GALNT15: variants seen among roughly 807,000 people sequenced by gnomAD.
GALNT15 encodes polypeptide N-acetylgalactosaminyltransferase 15.
In GALNT15, 67 loss-of-function variants were observed where a neutral mutation model predicts 66.8. That is an observed-to-expected ratio of 1.00 (90% CI 0.82 to 1.23). The LOEUF (loss-of-function observed/expected upper bound fraction) is 1.23, where lower values mean the gene tolerates loss of function less well. Ranked by LOEUF, GALNT15 falls within the 50% of genes most tolerant of loss-of-function variation. The pLI is 0.00. For synonymous variants in GALNT15, 313 were observed against 311.5 expected, an observed-to-expected ratio of 1.00 and a Z score of -0.05; for missense variants, 827 against 804.3, an observed-to-expected ratio of 1.03 and a Z score of -0.34.
rs1196003961 is a variant in GALNT15 at position 16,227,761 on chromosome 3, C to G, written c.*261C>G. 1.6e-6 allele frequency: 2 copies of G among 1,253,780 alleles called. No individual in the cohort carries two copies. The highest frequency in any genetic ancestry group is 1.0e-6 in the Non-Finnish European group (1 of 998,416). The allele number at this position is 1,253,780 out of a possible 1,614,324, so 77.7% of individuals were successfully genotyped here. A position where few individuals can be genotyped will look rare whatever the true frequency, so the allele number is the denominator to read the frequency against. On this transcript the variant is annotated 3_prime_UTR_variant, in exon 10 of 10. Transcript: ENST00000339732. The surrounding 1 kb of genome is among the most constrained non-coding windows in gnomAD (Gnocchi z 4.5). ...ACTGGGAAATGATTATTACATAGTA[C>G]AGAAGATTCTTTGTTTTTCTCCACT... is the stretch of plus-strand genomic sequence containing the variant.
rs1351310584 is a variant in GALNT15 at position 16,195,478 on chromosome 3, G to A, written c.540-282G>A. Among the ~76,000 whole-genome samples, 2 of 152,198 alleles carry A rather than the reference G, an allele frequency of 1.3e-5. No homozygotes were observed. Among genetic ancestry groups the A allele is most frequent in the Non-Finnish European group, 2.9e-5 (2 of 68,042 alleles). On this transcript the variant is annotated intron_variant, in intron 1 of 9. Transcript: ENST00000339732. The surrounding 1 kb of genome is among the most constrained non-coding windows in gnomAD (Gnocchi z 4.6). ...CATTCATTCTCATTTTACAGATGAG[G>A]ACAGTCATTTGCTGAGGATGACGGC...
In GALNT15 at chr3:16,200,952, G is replaced by A. The variant is rs1399716000; in HGVS notation, c.911+129G>A. 1.5e-5 allele frequency: 10 copies of A among 665,704 alleles called. No individual in the cohort carries two copies. The highest frequency in any genetic ancestry group is 5.5e-5 in the South Asian group (2 of 36,130). 41.2% of individuals were successfully genotyped at this position (665,704 alleles called of 1,614,324 possible). Reference sequence around the variant, plus strand: ...CATTAGAGAGTGATATATTCCCTTCGGGTTTTCAGATGTGTAAGTTTTTTA... The same window carrying A: ...CATTAGAGAGTGATATATTCCCTTCAGGTTTTCAGATGTGTAAGTTTTTTA... On this transcript the variant is annotated intron_variant, in intron 3 of 9. Transcript: ENST00000339732. The surrounding 1 kb of genome is among the most constrained non-coding windows in gnomAD (Gnocchi z 4.4).
the GALNT15 span, among the ~76,000 whole-genome samples, chr3:16,245,066 C>G: frequency 6.3e-4 from 96 of 152,308 alleles, 1 homozygote; most frequent in East Asian, 0.012. Context: ...ACAGTTAACA[C>G]TCCCAGGACA....
chr3:16,200,150 T>C lies in GALNT15; in HGVS notation c.707-469T>C, dbSNP rs970406668. On this transcript the variant is annotated intron_variant, in intron 2 of 9. Transcript: ENST00000339732. The surrounding 1 kb of genome is among the most constrained non-coding windows in gnomAD (Gnocchi z 4.4). ...GAGAGGAGGAAAAACTATCAAACAC[T>C]TATATAATCATCAGATCTCATGAGA... is the stretch of plus-strand genomic sequence containing the variant. Among the ~76,000 whole-genome samples the C allele has an allele frequency of 6.6e-6, 1 of 151,930 alleles. No homozygotes were observed. Among genetic ancestry groups the C allele is most frequent in the Non-Finnish European group, 1.5e-5 (1 of 67,980 alleles).
chr3:16,201,201 T>A (rs7650432), intron 3 of GALNT15, among the ~76,000 whole-genome samples: 13,243 of 150,238 alleles, frequency 0.088, 931 homozygotes, highest in African/African-American at 0.19. Flanking sequence ...TTTCTTTTTG[T>A]GATGGCGTCT....
chr3:16,221,608 C>A (rs931703023), intron 8 of GALNT15, among the ~76,000 whole-genome samples: 38 of 152,238 alleles, frequency 2.5e-4, no homozygotes, highest in African/African-American at 8.2e-4. Context: ...GAAATGACAC[C>A]CCCATAGCAA....
rs957312365 is a variant in GALNT15, at chr3:16,180,744, C to T, written c.539+5054C>T. ...AGAGGAACAGGCTCCCTCATGGCCC[C>T]GGCAGTTTGTCCCTAAACATAAATG... On this transcript the variant is annotated intron_variant, in intron 1 of 9. Coordinates refer to ENST00000339732, the MANE Select transcript of GALNT15 (RefSeq NM_054110.5). The surrounding 1 kb of genome is among the most constrained non-coding windows in gnomAD (Gnocchi z 5.0). Among the ~76,000 whole-genome samples, 6 of 152,206 alleles carry T rather than the reference C, an allele frequency of 3.9e-5. No individual in the cohort carries two copies. The highest frequency in any genetic ancestry group is 1.9e-4 in the East Asian group (1 of 5,198).
the GALNT15 span, among the ~76,000 whole-genome samples, chr3:16,246,398 C>T: frequency 6.0e-5 from 9 of 150,238 alleles, 1 homozygote; most frequent in South Asian, 1.3e-3. Flanking sequence ...CAATCTCGGC[C>T]CACTGCAACA....
Position 16,203,582 on chromosome 3 carries a change from CACACACAG to C in GALNT15, c.911+2760_911+2767del, listed in dbSNP as rs72008838. Among the ~76,000 whole-genome samples the C allele has an allele frequency of 0.12, 16,743 of 134,118 alleles. 1,366 individuals carry two copies. The highest frequency in any genetic ancestry group is 0.32 in the East Asian group (1,464 of 4,528). 88.0% of individuals were successfully genotyped at this position (134,118 alleles called of 152,430 possible). On this transcript the variant is annotated intron_variant, in intron 3 of 9. Transcript: ENST00000339732. The surrounding 1 kb of genome is among the most constrained non-coding windows in gnomAD (Gnocchi z 6.2). ...ACACACACACACACACACACACACA[CACACACAG>C]TGGGCCTCTGATCCTGGTGTGTTAC...
intron 3 of GALNT15, among the ~76,000 whole-genome samples, chr3:16,202,713 A>T (rs1433545676): frequency 6.6e-6 from 1 of 152,210 alleles, no homozygotes; most frequent in African/African-American, 2.4e-5. Context: ...TTGAAATCAG[A>T]GCGATGTCTA....
chr3:16,199,664 AGGTG>A (rs2063677986), intron 2 of GALNT15, among the ~76,000 whole-genome samples: 1 of 151,088 alleles, frequency 6.6e-6, no homozygotes, highest in African/African-American at 2.4e-5. Flanking sequence ...ATGTGGTTTC[AGGTG>A]AAGTCCAGCC....
chr3:16,202,135 T>C (rs1184861774), intron 3 of GALNT15, among the ~76,000 whole-genome samples: 2 of 152,220 alleles, frequency 1.3e-5, no homozygotes, highest in Non-Finnish European at 2.9e-5. Context: ...CAAATGGAGA[T>C]GGTTTCAAAC....
At chr3:16,194,963 C>T (rs531096835) in intron 1 of GALNT15, among the ~76,000 whole-genome samples, 6 of 152,284 alleles carry the variant, frequency 3.9e-5, no homozygotes, top group African/African-American at 1.4e-4. Flanking sequence ...GCACGTCCTG[C>T]ACATGTATCC....
rs2063811835 is a variant in GALNT15 at position 16,211,244 on chromosome 3, A to G, written c.1197+3A>G. The G allele has an allele frequency of 1.3e-6, 2 of 1,586,078 alleles. No individual in the cohort carries two copies. Among genetic ancestry groups the G allele is most frequent in the Non-Finnish European group, 1.7e-6 (2 of 1,154,322 alleles). On this transcript the variant is annotated splice_donor_region_variant and intron_variant, in intron 5 of 9. Transcript: ENST00000339732. This position sits in a 1 kb window ranked among gnomAD's most constrained non-coding sequence, Gnocchi z 4.3. The stretch of plus-strand genomic sequence containing the variant: ...AAAACCTCGAACTGTCTTTCAAGGT[A>G]TGTCCTGGACCAAGGGAGGACAGAG...
chr3:16,243,331 A>G, the GALNT15 span, among the ~76,000 whole-genome samples: 1 of 152,216 alleles, frequency 6.6e-6, no homozygotes, highest in Non-Finnish European at 1.5e-5. Context: ...GACACTGGAC[A>G]CCGAAACATC....
At position 16,200,086 on chromosome 3, in the gene GALNT15, G is replaced by A. The variant is rs1217351945; in HGVS notation, c.707-533G>A. Reference sequence around the variant, plus strand: ...ACTTACAATCATGGTGGAAGGGGAAGCATGTCTTACATGGCAGCAAGTGAG... The same window carrying A: ...ACTTACAATCATGGTGGAAGGGGAAACATGTCTTACATGGCAGCAAGTGAG... On this transcript the variant is annotated intron_variant, in intron 2 of 9. Coordinates refer to ENST00000339732, the MANE Select transcript of GALNT15 (RefSeq NM_054110.5). This position sits in a 1 kb window ranked among gnomAD's most constrained non-coding sequence, Gnocchi z 4.4. Among the ~76,000 whole-genome samples the A allele has an allele frequency of 6.6e-6, 1 of 152,010 alleles. No individual in the cohort carries two copies. The highest frequency in any genetic ancestry group is 1.5e-5 in the Non-Finnish European group (1 of 68,020).
Position 16,195,706 on chromosome 3 carries a change from AGTG to A in GALNT15, c.540-53_540-51del. The A allele has an allele frequency of 6.6e-7, 1 of 1,520,166 alleles. No individual in the cohort carries two copies. The highest frequency in any genetic ancestry group is 1.2e-5 in the South Asian group (1 of 84,452). The allele number at this position is 1,520,166 out of a possible 1,614,324, so 94.2% of individuals were successfully genotyped here. On this transcript the variant is annotated intron_variant, in intron 1 of 9. Coordinates refer to ENST00000339732, the MANE Select transcript of GALNT15 (RefSeq NM_054110.5). This position sits in a 1 kb window ranked among gnomAD's most constrained non-coding sequence, Gnocchi z 4.6. Reference sequence around the variant, plus strand: ...AAAGGAAGCGAGTTAGAGGGTGTGGAGTGTTTCTTGTGGCCTTCTCTTCCCCAT... The same window carrying A: ...AAAGGAAGCGAGTTAGAGGGTGTGGATTTCTTGTGGCCTTCTCTTCCCCAT...
At position 16,180,017 on chromosome 3, in the gene GALNT15, C is replaced by T. The variant is rs1374297160; in HGVS notation, c.539+4327C>T. On this transcript the variant is annotated intron_variant, in intron 1 of 9. Coordinates refer to ENST00000339732, the MANE Select transcript of GALNT15 (RefSeq NM_054110.5). The surrounding 1 kb of genome is among the most constrained non-coding windows in gnomAD (Gnocchi z 5.0). ...GTATCCAGTGCAGGGGCAATGGGTT[C>T]CTAGGATCAAAGAGGCTGCTGTGTG... 6.6e-6 allele frequency among the ~76,000 whole-genome samples: 1 copy of T among 152,214 alleles called. No individual in the cohort carries two copies. The highest frequency in any genetic ancestry group is 2.4e-5 in the African/African-American group (1 of 41,458).
Position 16,200,109 on chromosome 3 carries a change from GAGAGAA to G in GALNT15, c.707-504_707-499del, listed in dbSNP as rs1431113895. On this transcript the variant is annotated intron_variant, in intron 2 of 9. Coordinates refer to ENST00000339732, the MANE Select transcript of GALNT15 (RefSeq NM_054110.5). This position sits in a 1 kb window ranked among gnomAD's most constrained non-coding sequence, Gnocchi z 4.4. ...AAGCATGTCTTACATGGCAGCAAGT[GAGAGAA>G]AGAGAGAGAGAGAGGAGGAAAAACT... 1.4e-5 allele frequency among the ~76,000 whole-genome samples: 2 copies of G among 144,986 alleles called. No individual in the cohort carries two copies. The highest frequency in any genetic ancestry group is 2.6e-5 in the African/African-American group (1 of 38,810).
Sources: gnomAD v4.1 joint callset for allele counts (sites outside exome capture counted in the v4.1 genomes callset) on GRCh38, gnomAD v4.1.1 for gene constraint, Gnocchi (gnomAD v3.1) non-coding constraint, MANE v1.5 for transcripts, NCBI Gene and HGNC (gene_info 2026-07-23, HGNC 2026-07-21) for gene names.